Variants in GABRB3 observed in about 807,000 individuals in gnomAD.
GABRB3 encodes gamma-aminobutyric acid type A receptor subunit beta3.
GABRB3 carries 14 observed loss-of-function variants against 52.1 expected under a neutral mutation model. The observed-to-expected ratio is 0.27, with a 90% CI of 0.18 to 0.42. The LOEUF (loss-of-function observed/expected upper bound fraction) is 0.42, where lower values mean the gene tolerates loss of function less well. Ranked by LOEUF, GABRB3 falls within the 10% of genes least tolerant of loss-of-function variation. GABRB3 has a pLI of 1.00. For synonymous variants in GABRB3, 260 were observed against 232.3 expected, an observed-to-expected ratio of 1.12 and a Z score of -1.08; for missense variants, 307 against 609.1, an observed-to-expected ratio of 0.50 and a Z score of 5.22.
chr15:26,627,514 T>C (rs1486411213), intron 3 of GABRB3, among the ~76,000 whole-genome samples: 1 of 151,626 alleles, frequency 6.6e-6, no homozygotes, highest in African/African-American at 2.4e-5. Flanking sequence ...TCATGATTTA[T>C]AGGAGGAGGT....
intron 3 of GABRB3, among the ~76,000 whole-genome samples, chr15:26,705,154 C>T (rs544357685): frequency 3.3e-4 from 51 of 152,294 alleles, no homozygotes; most frequent in South Asian, 1.2e-3. Flanking sequence ...CTTCACATTT[C>T]TGGAAGCTGG....
rs538846778 is a variant in GABRB3 at position 26,592,744 on chromosome 15, T to A, written c.462-9330A>T. Among the ~76,000 whole-genome samples, 3 of 152,228 alleles carry A rather than the reference T, an allele frequency of 2.0e-5. No homozygotes were observed. The South Asian group carries it at 6.2e-4, about 32-fold the overall frequency. Reference sequence around the variant, plus strand: ...GCACATACGTTATTAAAGGACCTTATTAAAATTCGGATTCTGTCCCAGCAC... The same window carrying A: ...GCACATACGTTATTAAAGGACCTTAATAAAATTCGGATTCTGTCCCAGCAC... On this transcript the variant is annotated intron_variant, in intron 4 of 8. Coordinates refer to ENST00000311550, the MANE Select transcript of GABRB3 (RefSeq NM_000814.6).
chr15:26,629,266 G>A, intron 3 of GABRB3: 1 of 1,174,674 alleles, frequency 8.5e-7, no homozygotes, highest in African/African-American at 1.6e-5. Context: ...AGAGGGAGGA[G>A]GCGTGGTCTG....
chr15:26,580,240 T>C (rs1595456479), intron 6 of GABRB3, 79 bp downstream of exon 6: 3 of 1,546,626 alleles, frequency 1.9e-6, no homozygotes, highest in South Asian at 2.2e-5. Context: ...TGTGAGTCTA[T>C]GGCAGCACAT....
At chr15:26,589,711 C>A (rs1364142742) in intron 4 of GABRB3, among the ~76,000 whole-genome samples, 2 of 152,156 alleles carry the variant, frequency 1.3e-5, no homozygotes, top group African/African-American at 4.8e-5. Flanking sequence ...CACTCACCCC[C>A]AGGTGAGCCC....
intron 4 of GABRB3, among the ~76,000 whole-genome samples, chr15:26,617,621 C>G (rs1050548619): frequency 1.5e-4 from 23 of 151,814 alleles, no homozygotes; most frequent in African/African-American, 5.3e-4. Context: ...GGGATGCCCT[C>G]TCTCACCACT....
chr15:26,635,173 G>C (rs1893024899), intron 3 of GABRB3, among the ~76,000 whole-genome samples: 1 of 151,120 alleles, frequency 6.6e-6, no homozygotes. Flanking sequence ...AAGATGCTCT[G>C]AGAACTGGCT....
At chr15:26,633,601 AC>A (rs1468332995) in intron 3 of GABRB3, among the ~76,000 whole-genome samples, 1 of 151,998 alleles carries the variant, frequency 6.6e-6, no homozygotes, top group Non-Finnish European at 1.5e-5. Flanking sequence ...GTGCAAGCTG[AC>A]TCCCAGCACA....
intron 5 of GABRB3, 78 bp downstream of exon 5, chr15:26,583,254 G>A: frequency 8.0e-7 from 1 of 1,243,990 alleles, no homozygotes; most frequent in East Asian, 2.3e-5. Flanking sequence ...TGGATGCCTT[G>A]AAAAAAGATG....
intron 3 of GABRB3, among the ~76,000 whole-genome samples, chr15:26,700,313 C>A (rs890387050): frequency 2.6e-5 from 4 of 152,106 alleles, no homozygotes; most frequent in African/African-American, 9.7e-5. Context: ...CATGAATAAA[C>A]CTCTATCTAT....
At chr15:26,763,964 G>A (rs1281230517) in intron 3 of GABRB3, among the ~76,000 whole-genome samples, 1 of 151,280 alleles carries the variant, frequency 6.6e-6, no homozygotes, top group Non-Finnish European at 1.5e-5. Flanking sequence ...TGGCCAACAT[G>A]GTGAAACCCC....
chr15:26,603,031 AAAAG>A (rs1462872902), intron 4 of GABRB3, among the ~76,000 whole-genome samples: 1 of 152,084 alleles, frequency 6.6e-6, no homozygotes, highest in African/African-American at 2.4e-5. Flanking sequence ...TAACTACAAA[AAAAG>A]AGAGGGAAGA....
intron 3 of GABRB3, among the ~76,000 whole-genome samples, chr15:26,762,270 T>G (rs563661778): frequency 1.8e-4 from 27 of 152,318 alleles, no homozygotes; most frequent in African/African-American, 6.5e-4. Context: ...TTATAACAAG[T>G]GCTTTAATCT....
intron 4 of GABRB3, chr15:26,616,072 A>C (rs369459122): frequency 7.0e-6 from 9 of 1,289,158 alleles, no homozygotes; most frequent in East Asian, 5.5e-5. Flanking sequence ...TATTTACCAA[A>C]AAGATGCAAT....
chr15:26,665,044 T>A (rs1887666745), intron 3 of GABRB3, among the ~76,000 whole-genome samples: 1 of 152,072 alleles, frequency 6.6e-6, no homozygotes, highest in Non-Finnish European at 1.5e-5. Flanking sequence ...ACTGTTACAG[T>A]TATTTTTTTA....
At chr15:26,609,844 C>A (rs1332939069) in intron 4 of GABRB3, among the ~76,000 whole-genome samples, 1 of 152,198 alleles carries the variant, frequency 6.6e-6, no homozygotes. Context: ...CGTTAACTCA[C>A]TTGATTTAAT....
chr15:26,602,427 T>C (rs1360463501), intron 4 of GABRB3, among the ~76,000 whole-genome samples: 2 of 152,126 alleles, frequency 1.3e-5, no homozygotes, highest in Non-Finnish European at 2.9e-5. Context: ...TAAATATTTA[T>C]AGAACATTTC....
intron 3 of GABRB3, among the ~76,000 whole-genome samples, chr15:26,695,876 T>C (rs73370154): frequency 0.061 from 9,281 of 152,246 alleles, 317 homozygotes; most frequent in Non-Finnish European, 0.085. Flanking sequence ...ACTGAGACAG[T>C]AAATCCAAGG....
At chr15:26,698,168 C>A (rs1324527251) in intron 3 of GABRB3, among the ~76,000 whole-genome samples, 2 of 152,176 alleles carry the variant, frequency 1.3e-5, no homozygotes, top group Admixed American at 6.5e-5. Context: ...ACTGATTATA[C>A]CCCAGGAGGA....
Sources: allele counts gnomAD v4.1 joint callset (sites outside exome capture counted in the v4.1 genomes callset), GRCh38; gene constraint gnomAD v4.1.1; transcripts MANE v1.5; gene names NCBI Gene and HGNC (gene_info 2026-07-23, HGNC 2026-07-21).